RELN: variants seen among roughly 807,000 people sequenced by gnomAD.
RELN encodes the protein reelin.
In RELN, 108 loss-of-function variants were observed where a neutral mutation model predicts 427.6. That is an observed-to-expected ratio of 0.25 (90% confidence interval 0.22 to 0.30). The LOEUF (loss-of-function observed/expected upper bound fraction) is 0.30. RELN is among the 10% of genes least tolerant of loss of function. RELN has a pLI of 1.00. For missense variants in RELN, 3,715 were observed against 4,302.8 expected (o/e 0.86, Z 3.82); for synonymous variants, 1,524 against 1,513.4 (o/e 1.01, Z -0.16).
At chr7:103,832,385 C>G (rs867428015) in intron 3 of RELN, among the ~76,000 whole-genome samples, 2 of 151,952 alleles carry the variant, frequency 1.3e-5, no homozygotes, top group East Asian at 3.9e-4. Context: ...CAGTTCTAGA[C>G]AGTTGGGACA....
chr7:103,740,577 C>G lies in RELN; in HGVS notation c.656+8849G>C, dbSNP rs536972877. 4.5e-4 allele frequency among the ~76,000 whole-genome samples: 68 copies of G among 152,228 alleles called. No individual in the cohort carries two copies. The Middle Eastern group carries it at 0.01, about 23-fold the overall frequency. On this transcript the variant is annotated intron_variant, in intron 6 of 64. Transcript: ENST00000428762. The stretch of plus-strand genomic sequence containing the variant: ...TAAAAAACTTGGAAGAGTAACTTAT[C>G]TGTTACCTTTATTTATAATATCATT...
chr7:103,482,531 G>C (rs1172448950), intron 63 of RELN, among the ~76,000 whole-genome samples: 1 of 152,172 alleles, frequency 6.6e-6, no homozygotes, highest in Admixed American at 6.5e-5. Flanking sequence ...TCCTCTTCAA[G>C]GATGTCATTT....
intron 3 of RELN, among the ~76,000 whole-genome samples, chr7:103,821,230 G>T (rs1247306117): frequency 6.6e-6 from 1 of 152,160 alleles, no homozygotes; most frequent in Non-Finnish European, 1.5e-5. Context: ...CGTGGTTGAT[G>T]TGTAGGCTTT....
At position 103,615,662 on chromosome 7, in the gene RELN, C is replaced by A. The variant is rs150235403; in HGVS notation, c.2703-3859G>T. Among the ~76,000 whole-genome samples the A allele has an allele frequency of 4.0e-3, 602 of 152,288 alleles. 9 individuals are homozygous for A. Among genetic ancestry groups the A allele is most frequent in the African/African-American group, 0.013 (558 of 41,562 alleles). ...CTGAGTTGCTAGCCTCAGGGTCACA[C>A]AGTTACTAAAAAGCTAGAAACTAGG... is the stretch of plus-strand genomic sequence containing the variant. On this transcript the variant is annotated intron_variant, in intron 20 of 64. Transcript: ENST00000428762.
intron 10 of RELN, among the ~76,000 whole-genome samples, chr7:103,684,211 T>C (rs1833714740): frequency 6.6e-6 from 1 of 152,130 alleles, no homozygotes; most frequent in East Asian, 1.9e-4. Context: ...GGGGCCATAT[T>C]AGGGTTCTCA....
chr7:103,872,030 A>ATATTTTTTTTTTTTTTTTTTTT (rs773045936), intron 2 of RELN, among the ~76,000 whole-genome samples: 1 of 138,440 alleles, frequency 7.2e-6, no homozygotes, highest in Non-Finnish European at 1.6e-5. Context: ...ATATATATAT[A>ATATTTTTTTTTTTTTTTTTTTT]TTTTTCTTTT....
intron 63 of RELN, among the ~76,000 whole-genome samples, chr7:103,479,016 C>T (rs921327171): frequency 4.2e-4 from 64 of 152,102 alleles, no homozygotes; most frequent in African/African-American, 1.4e-3. Context: ...TGCAGTTCTC[C>T]GTAAATGTGG....
chr7:103,873,371 G>A (rs2116534825), intron 2 of RELN, among the ~76,000 whole-genome samples: 1 of 135,358 alleles, frequency 7.4e-6, no homozygotes, highest in East Asian at 2.3e-4. Flanking sequence ...AGAACTGAAG[G>A]AAACAGAGAC....
At chr7:103,969,068 G>T (rs1387366386) in intron 1 of RELN, among the ~76,000 whole-genome samples, 1 of 151,778 alleles carries the variant, frequency 6.6e-6, no homozygotes, top group Non-Finnish European at 1.5e-5. Context: ...TTCCCCAAAG[G>T]TTTAGAGAAA....
chr7:103,759,676 A>G (rs1791247206), intron 4 of RELN, among the ~76,000 whole-genome samples: 1 of 152,158 alleles, frequency 6.6e-6, no homozygotes, highest in Non-Finnish European at 1.5e-5. Context: ...GTATGAGAAG[A>G]ACCACTTTTT....
intron 41 of RELN, among the ~76,000 whole-genome samples, chr7:103,545,570 A>G (rs1346992949): frequency 2.6e-5 from 4 of 152,096 alleles, no homozygotes; most frequent in Non-Finnish European, 5.9e-5. Context: ...CAGAATGTCA[A>G]TGTTTCACTT....
At chr7:103,584,741 C>A (rs1831231021) in intron 28 of RELN, among the ~76,000 whole-genome samples, 1 of 152,072 alleles carries the variant, frequency 6.6e-6, no homozygotes, top group South Asian at 2.1e-4. Context: ...AACATTACAC[C>A]CAACAACCAC....
intron 8 of RELN, among the ~76,000 whole-genome samples, chr7:103,705,560 G>A (rs772087803): frequency 6.6e-6 from 1 of 152,122 alleles, no homozygotes; most frequent in Non-Finnish European, 1.5e-5. Context: ...TGAATTCAAT[G>A]CTTATTAGCA....
chr7:103,867,975 T>C (rs963267583), intron 2 of RELN, among the ~76,000 whole-genome samples: 1 of 152,094 alleles, frequency 6.6e-6, no homozygotes, highest in Admixed American at 6.6e-5. Flanking sequence ...TTTTTCCTCC[T>C]GGCACCAAGT....
intron 36 of RELN, 37 bp from the exon 37 acceptor site, chr7:103,558,086 T>TA (rs754627585): frequency 1.0e-6 from 1 of 1,000,138 alleles, no homozygotes; most frequent in Non-Finnish European, 1.6e-6. Context: ...CAACTTTTTT[T>TA]CACTTGCAAA....
At chr7:103,475,310 T>C (rs919767341) in intron 64 of RELN, among the ~76,000 whole-genome samples, 2 of 152,140 alleles carry the variant, frequency 1.3e-5, no homozygotes, top group African/African-American at 4.8e-5. Context: ...AAACTTTTGT[T>C]GGTATGGGGG....
intron 52 of RELN, among the ~76,000 whole-genome samples, chr7:103,502,430 G>T (rs1301450448): frequency 1.3e-5 from 2 of 152,214 alleles, no homozygotes; most frequent in Non-Finnish European, 2.9e-5. Context: ...AAGTAGAAGA[G>T]AAATCTTTTG....
intron 22 of RELN, among the ~76,000 whole-genome samples, chr7:103,609,140 T>C (rs1341556480): frequency 1.3e-5 from 2 of 151,184 alleles, no homozygotes; most frequent in Non-Finnish European, 2.9e-5. Flanking sequence ...GGTGAATCAC[T>C]TGAACCCGGG....
intron 7 of RELN, among the ~76,000 whole-genome samples, 193 bp from the exon 8 acceptor site, chr7:103,723,384 G>A (rs1198233913): frequency 6.6e-6 from 1 of 152,178 alleles, no homozygotes; most frequent in African/African-American, 2.4e-5. Flanking sequence ...TTCTTCCCCT[G>A]TGGGGAATAA....
Sources: allele counts gnomAD v4.1 joint callset (sites outside exome capture counted in the v4.1 genomes callset), GRCh38; gene constraint gnomAD v4.1.1; transcripts MANE v1.5; gene names NCBI Gene and HGNC (gene_info 2026-07-23, HGNC 2026-07-21).